The following PRDM5 variants were observed in gnomAD, a reference collection of about 807,000 sequenced individuals.
PRDM5 encodes the protein PR domain zinc finger protein 5.
PRDM5 carries 56 observed loss-of-function variants against 81.2 expected under a neutral mutation model. That is an observed-to-expected ratio of 0.69 (90% confidence interval 0.56 to 0.86). The LOEUF is 0.86. Ranked by LOEUF, PRDM5 falls within the 40% of genes least tolerant of loss-of-function variation. PRDM5 has a pLI of 0.00. For missense variants in PRDM5, 697 were observed against 770.1 expected (o/e 0.91, Z 1.12); for synonymous variants, 267 against 256.4 (o/e 1.04, Z -0.39).
Position 120,721,415 on chromosome 4 carries a change from G to A in PRDM5, c.1624-11002C>T, listed in dbSNP as rs181667415. ...AAAGCTCCCAAGGTGCCTCTAATGCGCAACCAGAAGTGAGAACTTCTGATC... is the reference window on the plus strand; with the variant it reads ...AAAGCTCCCAAGGTGCCTCTAATGCACAACCAGAAGTGAGAACTTCTGATC... On this transcript the variant is annotated intron_variant, in intron 14 of 15. Transcript: ENST00000264808. Among the ~76,000 whole-genome samples, 455 of 152,192 alleles carry A rather than the reference G, an allele frequency of 3.0e-3. 3 individuals are homozygous for A. Among genetic ancestry groups the A allele is most frequent in the Non-Finnish European group, 5.5e-3 (377 of 67,996 alleles).
chr4:120,711,895 A>G (rs1041519261), intron 14 of PRDM5, among the ~76,000 whole-genome samples: 3 of 152,192 alleles, frequency 2.0e-5, no homozygotes, highest in African/African-American at 7.2e-5. Flanking sequence ...CTTGCAAGTT[A>G]CTACTTAGTG....
At chr4:120,714,407 A>G (rs1737453154) in intron 14 of PRDM5, among the ~76,000 whole-genome samples, 1 of 151,996 alleles carries the variant, frequency 6.6e-6, no homozygotes, top group Non-Finnish European at 1.5e-5. Flanking sequence ...TCAGTTGATC[A>G]ATTCTCTTTT....
At chr4:120,762,258 A>C (rs1290066948) in intron 13 of PRDM5, 1 of 152,196 alleles carries the variant, frequency 6.6e-6, no homozygotes, top group Non-Finnish European at 1.5e-5. Context: ...ATAATGTTTA[A>C]AGATTTTGGA....
chr4:120,871,632 G>T (rs1028862718), intron 2 of PRDM5, among the ~76,000 whole-genome samples: 13 of 152,126 alleles, frequency 8.5e-5, no homozygotes, highest in South Asian at 6.2e-4. Flanking sequence ...ATCCTCCATC[G>T]TAAACTTAAA....
chr4:120,854,669 A>C lies in PRDM5; in HGVS notation c.178-1129T>G, dbSNP rs755135143. On this transcript the variant is annotated intron_variant, in intron 2 of 15. Transcript: ENST00000264808. ...CCCAGAGCACATGGAACTTAAAAGT[A>C]AACAAATGTAGAATATAATTTCGTG... 2.0e-5 allele frequency among the ~76,000 whole-genome samples: 3 copies of C among 152,154 alleles called. No individual in the cohort carries two copies. The South Asian group carries it at 6.2e-4, about 32-fold the overall frequency.
chr4:120,868,984 T>C (rs1340314872), intron 2 of PRDM5, among the ~76,000 whole-genome samples: 2 of 152,182 alleles, frequency 1.3e-5, no homozygotes, highest in Non-Finnish European at 1.5e-5. Context: ...ATAGCCCTCC[T>C]TTGGGATTTG....
At chr4:120,754,529 T>G (rs756812488) in intron 14 of PRDM5, 24 bp downstream of exon 14, 1 of 1,474,752 alleles carries the variant, frequency 6.8e-7, no homozygotes, top group Non-Finnish European at 9.5e-7. Context: ...TGATCAATAT[T>G]AATGAAACAG....
At chr4:120,902,199 C>T (rs987682457) in intron 2 of PRDM5, among the ~76,000 whole-genome samples, 4 of 152,142 alleles carry the variant, frequency 2.6e-5, no homozygotes, top group Admixed American at 2.0e-4. Context: ...CACTTTAGAA[C>T]AACTAAATCA....
chr4:120,833,192 T>C (rs1756928127), intron 3 of PRDM5, among the ~76,000 whole-genome samples: 1 of 152,158 alleles, frequency 6.6e-6, no homozygotes, highest in Non-Finnish European at 1.5e-5. Context: ...ATTCCAGAAA[T>C]AAACGATTAA....
intron 3 of PRDM5, among the ~76,000 whole-genome samples, chr4:120,839,948 G>A (rs1448424667): frequency 2.0e-5 from 3 of 152,228 alleles, no homozygotes; most frequent in African/African-American, 4.8e-5. Context: ...CCCCCAGCCA[G>A]GCTGTGACAG....
At chr4:120,840,382 T>C (rs537238990) in intron 3 of PRDM5, among the ~76,000 whole-genome samples, 1 of 151,812 alleles carries the variant, frequency 6.6e-6, no homozygotes, top group Non-Finnish European at 1.5e-5. Flanking sequence ...GTTGGGAATG[T>C]CAGGCTTGGC....
At chr4:120,863,606 T>A (rs905847741) in intron 2 of PRDM5, among the ~76,000 whole-genome samples, 2 of 151,890 alleles carry the variant, frequency 1.3e-5, no homozygotes, top group African/African-American at 4.8e-5. Flanking sequence ...CCAAAGCATT[T>A]AAAAAAATGA....
intron 15 of PRDM5, among the ~76,000 whole-genome samples, chr4:120,697,556 T>A (rs1344577278): frequency 1.4e-5 from 2 of 146,118 alleles, no homozygotes; most frequent in African/African-American, 4.9e-5. Flanking sequence ...TCACCCATGC[T>A]GGAGTGCAGT....
intron 14 of PRDM5, among the ~76,000 whole-genome samples, chr4:120,711,464 A>AT (rs5861485): frequency 6.0e-4 from 81 of 134,374 alleles, no homozygotes; most frequent in African/African-American, 1.6e-3. Flanking sequence ...ATACCCAGCT[A>AT]TTTTTTTTTT....
intron 7 of PRDM5, among the ~76,000 whole-genome samples, chr4:120,815,473 G>A (rs186357053): frequency 3.5e-4 from 54 of 152,298 alleles, no homozygotes; most frequent in African/African-American, 1.2e-3. Flanking sequence ...ATGCAAAGTC[G>A]CAGCTAGCAG....
intron 11 of PRDM5, among the ~76,000 whole-genome samples, chr4:120,783,791 A>C (rs561088668): frequency 2.0e-5 from 3 of 152,200 alleles, no homozygotes; most frequent in African/African-American, 7.2e-5. Flanking sequence ...AGAGCATAAC[A>C]CTGCCTTTTT....
intron 13 of PRDM5, among the ~76,000 whole-genome samples, chr4:120,771,973 A>C (rs2149211689): frequency 6.6e-6 from 1 of 152,302 alleles, no homozygotes; most frequent in African/African-American, 2.4e-5. Context: ...TCTTCACAAA[A>C]ATGTACAATG....
chr4:120,848,409 T>C (rs540136704), intron 3 of PRDM5, among the ~76,000 whole-genome samples: 45 of 152,276 alleles, frequency 3.0e-4, no homozygotes, highest in East Asian at 5.8e-4. Flanking sequence ...TGAAGACATA[T>C]AATCTGGATT....
intron 2 of PRDM5, among the ~76,000 whole-genome samples, chr4:120,859,781 T>C (rs1473727857): frequency 1.3e-5 from 2 of 152,164 alleles, no homozygotes; most frequent in South Asian, 2.1e-4. Flanking sequence ...TTCTCTACCA[T>C]CTATAGCCCT....
Sources: gnomAD v4.1 joint callset for allele counts (sites outside exome capture counted in the v4.1 genomes callset) on GRCh38, gnomAD v4.1.1 for gene constraint, MANE v1.5 for transcripts, NCBI Gene and HGNC (gene_info 2026-07-23, HGNC 2026-07-21) for gene names.